RCAN2: variants seen among roughly 807,000 people sequenced by gnomAD.
RCAN2 encodes regulator of calcineurin 2.
Under a neutral mutation model 23.6 loss-of-function variants are expected in RCAN2, and 9 were observed. That is an observed-to-expected ratio of 0.38 (90% CI 0.23 to 0.67). The LOEUF (loss-of-function observed/expected upper bound fraction) is 0.67, where lower values mean the gene tolerates loss of function less well. Ranked by LOEUF, RCAN2 falls within the 30% of genes least tolerant of loss-of-function variation. The pLI is 0.51. For synonymous variants in RCAN2, 109 were observed against 115.7 expected (o/e 0.94, Z 0.37); for missense variants, 273 against 302.3 (o/e 0.90, Z 0.72).
chr6:46,475,083 T>C (rs1028549614), intron 1 of RCAN2, among the ~76,000 whole-genome samples: 1 of 152,228 alleles, frequency 6.6e-6, no homozygotes, highest in African/African-American at 2.4e-5. Context: ...TTTTTCTGTA[T>C]AAGAATCTTA....
At chr6:46,338,839 C>T (rs1478313989) in intron 2 of RCAN2, among the ~76,000 whole-genome samples, 7 of 151,548 alleles carry the variant, frequency 4.6e-5, no homozygotes, top group Non-Finnish European at 7.4e-5. Context: ...GTGGTGAAGC[C>T]CAGTCTCTAA....
At chr6:46,325,676 C>T (rs1763774100) in intron 2 of RCAN2, 25 of 1,374,854 alleles carry the variant, frequency 1.8e-5, no homozygotes, top group Non-Finnish European at 2.3e-5. Flanking sequence ...GAGTAACGAA[C>T]GGCCCGGCTC....
intron 2 of RCAN2, among the ~76,000 whole-genome samples, chr6:46,299,675 A>G (rs1762737265): frequency 6.6e-6 from 1 of 151,994 alleles, no homozygotes; most frequent in Non-Finnish European, 1.5e-5. Context: ...TGAAACCTGG[A>G]TCAACTTATT....
chr6:46,379,331 G>A (rs1190911568), intron 2 of RCAN2, among the ~76,000 whole-genome samples: 1 of 152,082 alleles, frequency 6.6e-6, no homozygotes, highest in Non-Finnish European at 1.5e-5. Context: ...ACTGCTCTGG[G>A]TCTCTCCTGC....
At chr6:46,326,984 G>C (rs1763813476) in intron 2 of RCAN2, among the ~76,000 whole-genome samples, 1 of 152,122 alleles carries the variant, frequency 6.6e-6, no homozygotes, top group African/African-American at 2.4e-5. Flanking sequence ...TGTTCAAGTG[G>C]CATTTATTTC....
intron 2 of RCAN2, among the ~76,000 whole-genome samples, chr6:46,353,215 C>T (rs150453244): frequency 6.6e-6 from 1 of 152,114 alleles, no homozygotes; most frequent in East Asian, 1.9e-4. Flanking sequence ...CTGGATCCAA[C>T]CAGTTTTTGT....
chr6:46,225,481 GGT>G (rs1765631283), intron 4 of RCAN2, among the ~76,000 whole-genome samples: 1 of 152,208 alleles, frequency 6.6e-6, no homozygotes, highest in African/African-American at 2.4e-5. Flanking sequence ...CATTCTAACT[GGT>G]GTGAGATGGT....
intron 4 of RCAN2, among the ~76,000 whole-genome samples, chr6:46,245,250 T>C (rs560235264): frequency 3.7e-4 from 56 of 152,352 alleles, no homozygotes; most frequent in African/African-American, 1.2e-3. Flanking sequence ...AGTGATGTGA[T>C]GGTGATTACA....
intron 2 of RCAN2, among the ~76,000 whole-genome samples, chr6:46,392,304 G>T (rs886269177): frequency 6.6e-6 from 1 of 152,100 alleles, no homozygotes; most frequent in Non-Finnish European, 1.5e-5. Flanking sequence ...TATGGAAAAA[G>T]AAAGAAATCT....
chr6:46,402,795 C>T (rs548131655), intron 2 of RCAN2, among the ~76,000 whole-genome samples: 2 of 152,254 alleles, frequency 1.3e-5, no homozygotes, highest in African/African-American at 4.8e-5. Flanking sequence ...AACAGTTTCC[C>T]CCATATCTTT....
intron 2 of RCAN2, among the ~76,000 whole-genome samples, chr6:46,451,523 G>A (rs943673353): frequency 2.0e-5 from 3 of 152,074 alleles, no homozygotes; most frequent in Non-Finnish European, 2.9e-5. Context: ...ATTGTGGACC[G>A]GCAGTTGTAA....
intron 1 of RCAN2, among the ~76,000 whole-genome samples, chr6:46,466,307 G>C (rs1395170224): frequency 6.6e-6 from 1 of 152,204 alleles, no homozygotes; most frequent in African/African-American, 2.4e-5. Flanking sequence ...GTGCTGGAGA[G>C]AAACAGAGTG....
intron 2 of RCAN2, among the ~76,000 whole-genome samples, chr6:46,385,728 A>G (rs997749253): frequency 6.6e-6 from 1 of 151,810 alleles, no homozygotes; most frequent in East Asian, 1.9e-4. Context: ...ATGGTGGCGC[A>G]TGCCTATAAT....
chr6:46,304,404 T>C (rs1223389177), intron 2 of RCAN2, among the ~76,000 whole-genome samples: 1 of 152,170 alleles, frequency 6.6e-6, no homozygotes, highest in Non-Finnish European at 1.5e-5. Context: ...TGCCATTTAA[T>C]GATTAGGAGT....
At chr6:46,309,105 G>A (rs1052908318) in intron 2 of RCAN2, among the ~76,000 whole-genome samples, 1 of 152,168 alleles carries the variant, frequency 6.6e-6, no homozygotes, top group Non-Finnish European at 1.5e-5. Flanking sequence ...CTGCTGTTCA[G>A]GAGAAGTTTG....
chr6:46,323,350 G>A (rs1356406054), intron 2 of RCAN2, among the ~76,000 whole-genome samples: 4 of 147,146 alleles, frequency 2.7e-5, no homozygotes, highest in Non-Finnish European at 6.0e-5. Flanking sequence ...CATTATATGA[G>A]AAGACTAAGG....
chr6:46,422,758 C>A (rs1354008571), intron 2 of RCAN2, among the ~76,000 whole-genome samples: 5 of 152,138 alleles, frequency 3.3e-5, no homozygotes, highest in Admixed American at 3.3e-4. Flanking sequence ...ACAAAGGCTG[C>A]AGAAAACCAA....
chr6:46,230,997 A>T (rs1765865727), intron 4 of RCAN2, among the ~76,000 whole-genome samples: 1 of 152,200 alleles, frequency 6.6e-6, no homozygotes, highest in South Asian at 2.1e-4. Flanking sequence ...GCTGGGAAGG[A>T]TGTAGACATT....
At chr6:46,358,419 G>A (rs1217261957) in intron 2 of RCAN2, among the ~76,000 whole-genome samples, 3 of 152,140 alleles carry the variant, frequency 2.0e-5, no homozygotes, top group South Asian at 4.2e-4. Flanking sequence ...CAAAGGTGGT[G>A]GAAGGGCCTG....
Sources: allele counts gnomAD v4.1 joint callset (sites outside exome capture counted in the v4.1 genomes callset), GRCh38; gene constraint gnomAD v4.1.1; transcripts MANE v1.5; gene names NCBI Gene and HGNC (gene_info 2026-07-23, HGNC 2026-07-21).